SMOC2: variants seen among roughly 807,000 people sequenced by gnomAD.
SMOC2 encodes the protein SPARC related modular calcium binding 2.
SMOC2 carries 39 observed loss-of-function variants against 61.4 expected under a neutral mutation model. The observed-to-expected ratio is 0.64, with a 90% CI of 0.49 to 0.83. The LOEUF is 0.83. SMOC2 is among the 40% of genes least tolerant of loss of function. The probability of loss-of-function intolerance (pLI) is 0.00; values close to 1 mark genes in which losing one functional copy is unlikely to be tolerated. For synonymous variants in SMOC2, 247 were observed against 239.9 expected (o/e 1.03, Z -0.27); for missense variants, 556 against 592.9 (o/e 0.94, Z 0.65).
intron 1 of SMOC2, among the ~76,000 whole-genome samples, chr6:168,482,805 G>A (rs184836618): frequency 1.3e-5 from 2 of 152,066 alleles, no homozygotes; most frequent in Admixed American, 1.3e-4. Flanking sequence ...GGTAAAAAGC[G>A]TGATCTCAAT....
At chr6:168,604,727 C>T (rs2115196316) in intron 8 of SMOC2, among the ~76,000 whole-genome samples, 1 of 152,314 alleles carries the variant, frequency 6.6e-6, no homozygotes, top group East Asian at 1.9e-4. Context: ...TGATATGTGA[C>T]CTCTCTTATC....
chr6:168,617,286 A>G (rs1786119501), intron 9 of SMOC2, among the ~76,000 whole-genome samples: 1 of 152,164 alleles, frequency 6.6e-6, no homozygotes, highest in Admixed American at 6.5e-5. Context: ...ACAAATGTCT[A>G]ATTATGTACA....
intron 8 of SMOC2, among the ~76,000 whole-genome samples, chr6:168,601,465 A>G (rs186944302): frequency 3.3e-5 from 5 of 152,364 alleles, no homozygotes; most frequent in Admixed American, 3.3e-4. Context: ...GCTTGAAGAG[A>G]ACATAAAGCT....
chr6:168,566,541 G>A (rs36032714), intron 7 of SMOC2, among the ~76,000 whole-genome samples: 4,770 of 141,874 alleles, frequency 0.034, 104 homozygotes, highest in Non-Finnish European at 0.05. Context: ...GGAGTGCAAT[G>A]GTGTGATCTC....
chr6:168,619,888 C>T lies in SMOC2; in HGVS notation c.907+11649C>T, dbSNP rs572133183. Among the ~76,000 whole-genome samples, 7 of 152,354 alleles carry T rather than the reference C, an allele frequency of 4.6e-5. No individual in the cohort carries two copies. In the East Asian group the frequency reaches 5.8e-4, roughly 13 times the overall value. On this transcript the variant is annotated intron_variant, in intron 9 of 12. Transcript: ENST00000356284. Reference sequence around the variant, plus strand: ...AGAAAGCCCACAGCTTCAGTTTACACGCTCTGTGTCTTGTGGCCCTTTTAC... The same window carrying T: ...AGAAAGCCCACAGCTTCAGTTTACATGCTCTGTGTCTTGTGGCCCTTTTAC...
chr6:168,465,034 G>C (rs1781796916), intron 1 of SMOC2, among the ~76,000 whole-genome samples: 1 of 151,996 alleles, frequency 6.6e-6, no homozygotes, highest in African/African-American at 2.4e-5. Context: ...TCCAGGAGCG[G>C]CCCCACCTTG....
At chr6:168,471,222 C>T (rs1325695126) in intron 1 of SMOC2, among the ~76,000 whole-genome samples, 4 of 152,138 alleles carry the variant, frequency 2.6e-5, no homozygotes, top group African/African-American at 9.7e-5. Context: ...TTTATCTCAG[C>T]CCAGCCCTAG....
At chr6:168,546,990 G>T in intron 5 of SMOC2, 129 bp from the exon 6 acceptor site, 1 of 1,079,890 alleles carries the variant, frequency 9.3e-7, no homozygotes, top group South Asian at 1.3e-5. Context: ...TTGGGTCTGT[G>T]TGGGGTTGCT....
intron 9 of SMOC2, among the ~76,000 whole-genome samples, chr6:168,621,673 G>A (rs914629797): frequency 6.6e-6 from 1 of 151,702 alleles, no homozygotes; most frequent in Non-Finnish European, 1.5e-5. Context: ...GGCAGCAGGA[G>A]AGAGAAGGGG....
intron 12 of SMOC2, chr6:168,664,382 A>ATTTTTTTTTTTTTTTTTTTT (rs1562413940): frequency 3.3e-6 from 1 of 300,964 alleles, no homozygotes; most frequent in African/African-American, 4.3e-5. Flanking sequence ...TGTTTGGTAG[A>ATTTTTTTTTTTTTTTTTTTT]TCTTTTTTTT....
intron 1 of SMOC2, among the ~76,000 whole-genome samples, chr6:168,450,956 A>G (rs1008051219): frequency 1.2e-4 from 19 of 152,238 alleles, no homozygotes; most frequent in African/African-American, 4.3e-4. Context: ...CTAGATTTTC[A>G]TCTTGATTCC....
intron 7 of SMOC2, among the ~76,000 whole-genome samples, chr6:168,590,613 C>T (rs897994891): frequency 9.9e-5 from 15 of 152,230 alleles, no homozygotes; most frequent in Non-Finnish European, 2.9e-5. Flanking sequence ...TTAAAACCTG[C>T]AGCGTGCGAT....
intron 7 of SMOC2, among the ~76,000 whole-genome samples, chr6:168,578,594 G>A (rs1272548162): frequency 2.0e-5 from 3 of 152,210 alleles, no homozygotes; most frequent in African/African-American, 7.2e-5. Context: ...GTACAGCAAC[G>A]GTTTCTCCTA....
At chr6:168,448,133 A>C (rs931434490) in intron 1 of SMOC2, among the ~76,000 whole-genome samples, 6 of 152,200 alleles carry the variant, frequency 3.9e-5, no homozygotes, top group African/African-American at 1.4e-4. Context: ...GACTAGGATT[A>C]GTGGTGAGTT....
chr6:168,627,462 C>T (rs1225986070), intron 9 of SMOC2, among the ~76,000 whole-genome samples: 3 of 152,136 alleles, frequency 2.0e-5, no homozygotes, highest in Non-Finnish European at 4.4e-5. Context: ...GTCTGTATTA[C>T]TCTCTGCGGG....
chr6:168,527,259 GC>G (rs1481868586), intron 3 of SMOC2, among the ~76,000 whole-genome samples: 1 of 152,150 alleles, frequency 6.6e-6, no homozygotes, highest in African/African-American at 2.4e-5. Context: ...CACTAAAGAG[GC>G]CGAGGTTGCT....
chr6:168,615,702 C>T (rs868653138), intron 9 of SMOC2, among the ~76,000 whole-genome samples: 438 of 108,510 alleles, frequency 4.0e-3, no homozygotes, highest in East Asian at 5.3e-3. Flanking sequence ...GGCCTCTTCA[C>T]ACCTACAGCC....
intron 9 of SMOC2, among the ~76,000 whole-genome samples, chr6:168,630,643 C>A (rs867868795): frequency 1.3e-5 from 2 of 152,128 alleles, no homozygotes; most frequent in Admixed American, 1.3e-4. Flanking sequence ...TTCTGACTGC[C>A]GGTGAGCCGG....
In SMOC2 at chr6:168,553,457, C is replaced by T. The variant is rs577397975; in HGVS notation, c.637+4254C>T. Among the ~76,000 whole-genome samples the T allele has an allele frequency of 1.4e-3, 213 of 152,306 alleles. No individual in the cohort carries two copies. Among genetic ancestry groups the T allele is most frequent in the African/African-American group, 4.6e-3 (193 of 41,566 alleles). ...TAAACAAATGTAAATCGAATTAGTA[C>T]TCTTCCCTACTGGCATATTAAGTAC... is the stretch of plus-strand genomic sequence containing the variant. On this transcript the variant is annotated intron_variant, in intron 7 of 12. Transcript: ENST00000356284. This position sits in a 1 kb window ranked among gnomAD's most constrained non-coding sequence, Gnocchi z 4.2.
Sources: gnomAD v4.1 joint callset for allele counts (sites outside exome capture counted in the v4.1 genomes callset) on GRCh38, gnomAD v4.1.1 for gene constraint, Gnocchi (gnomAD v3.1) non-coding constraint, MANE v1.5 for transcripts, NCBI Gene and HGNC (gene_info 2026-07-23, HGNC 2026-07-21) for gene names.